FSTL4: variants seen among roughly 807,000 people sequenced by gnomAD.
The protein encoded by FSTL4 is follistatin-related protein 4.
In FSTL4, 28 loss-of-function variants were observed where a neutral mutation model predicts 78.2. The ratio of observed to expected loss-of-function variants is 0.36; its 90% CI spans 0.27 to 0.49. The LOEUF is 0.49. Among genes scored for constraint, FSTL4 ranks in the 20% least tolerant of loss-of-function variants. The pLI is 0.98. For missense variants in FSTL4, 922 were observed against 1,084.9 expected, an observed-to-expected ratio of 0.85 and a Z score of 2.11; for synonymous variants, 422 against 440.5, an observed-to-expected ratio of 0.96 and a Z score of 0.53.
At chr5:133,523,407 G>A (rs909874305) in intron 3 of FSTL4, among the ~76,000 whole-genome samples, 9 of 152,194 alleles carry the variant, frequency 5.9e-5, no homozygotes, top group East Asian at 3.9e-4. Context: ...CTGGAGCTGC[G>A]TGGGTGCAGA....
chr5:133,483,759 G>A (rs1202030512), intron 3 of FSTL4, among the ~76,000 whole-genome samples: 3 of 152,182 alleles, frequency 2.0e-5, no homozygotes, highest in Non-Finnish European at 2.9e-5. Context: ...CTGGGTAGGG[G>A]CAGAACATGC....
intron 4 of FSTL4, among the ~76,000 whole-genome samples, chr5:133,371,546 T>C (rs1308784470): frequency 2.6e-5 from 4 of 152,206 alleles, no homozygotes; most frequent in Non-Finnish European, 5.9e-5. Flanking sequence ...CCTCCACTTG[T>C]CTGGCACAAC....
intron 3 of FSTL4, among the ~76,000 whole-genome samples, chr5:133,550,573 T>C (rs1480124208): frequency 6.6e-6 from 1 of 152,218 alleles, no homozygotes; most frequent in East Asian, 1.9e-4. Context: ...GCTAAGCTTT[T>C]TAATATGCAT....
At chr5:133,600,061 G>C (rs1004271845) in intron 2 of FSTL4, among the ~76,000 whole-genome samples, 6 of 152,236 alleles carry the variant, frequency 3.9e-5, no homozygotes, top group South Asian at 4.1e-4. Flanking sequence ...CCTGACTTAG[G>C]TTTGGTTTGA....
At chr5:133,672,351 C>T in the FSTL4 span, among the ~76,000 whole-genome samples, 1 of 152,218 alleles carries the variant, frequency 6.6e-6, no homozygotes, top group Non-Finnish European at 1.5e-5. Flanking sequence ...CCAGCCACCT[C>T]ATGATGGGCA....
At chr5:133,373,798 ATGGTC>A (rs1755371863) in intron 4 of FSTL4, among the ~76,000 whole-genome samples, 2 of 152,324 alleles carry the variant, frequency 1.3e-5, no homozygotes, top group South Asian at 4.1e-4. Context: ...CTGAGCAGCA[ATGGTC>A]CCCAAAATCT....
At chr5:133,260,846 T>G (rs1273743104) in intron 6 of FSTL4, among the ~76,000 whole-genome samples, 1 of 152,132 alleles carries the variant, frequency 6.6e-6, no homozygotes, top group Non-Finnish European at 1.5e-5. Flanking sequence ...GGAGTGGGGT[T>G]TGGAAGAGCC....
At chr5:133,241,351 A>G (rs1212347908) in intron 7 of FSTL4, among the ~76,000 whole-genome samples, 2 of 152,250 alleles carry the variant, frequency 1.3e-5, no homozygotes, top group Non-Finnish European at 2.9e-5. Context: ...TCGAAGAGCC[A>G]ACTTCAGTTG....
chr5:133,382,839 C>T (rs1375354604), intron 4 of FSTL4, among the ~76,000 whole-genome samples: 1 of 151,926 alleles, frequency 6.6e-6, no homozygotes. Flanking sequence ...CAAGTCAGAC[C>T]TCACAGGGAG....
chr5:133,389,063 A>G (rs1364943679), intron 4 of FSTL4, among the ~76,000 whole-genome samples: 1 of 151,788 alleles, frequency 6.6e-6, no homozygotes, highest in Non-Finnish European at 1.5e-5. Context: ...CCAATTTACA[A>G]TCCCATTTTT....
intron 4 of FSTL4, among the ~76,000 whole-genome samples, chr5:133,332,251 G>T (rs980910011): frequency 6.6e-6 from 1 of 152,228 alleles, no homozygotes; most frequent in Admixed American, 6.5e-5. Flanking sequence ...GCAGCCTGAT[G>T]GGATTTGGCA....
chr5:133,801,201 GCTCA>G, the FSTL4 span, among the ~76,000 whole-genome samples: 10 of 152,136 alleles, frequency 6.6e-5, no homozygotes, highest in Admixed American at 2.6e-4. Flanking sequence ...CTGCGACTTT[GCTCA>G]CTGTCTCTGA....
chr5:133,653,922 G>T, the FSTL4 span, among the ~76,000 whole-genome samples: 1 of 152,176 alleles, frequency 6.6e-6, no homozygotes, highest in African/African-American at 2.4e-5. Context: ...AGAACAGAAG[G>T]TTCATTATTC....
At chr5:133,302,804 G>A (rs1202351749) in intron 6 of FSTL4, among the ~76,000 whole-genome samples, 1 of 152,192 alleles carries the variant, frequency 6.6e-6, no homozygotes, top group Non-Finnish European at 1.5e-5. Context: ...GAACCCTCAG[G>A]TCTGTTCTTC....
At chr5:133,805,195 G>A in the FSTL4 span, among the ~76,000 whole-genome samples, 12 of 151,896 alleles carry the variant, frequency 7.9e-5, no homozygotes, top group Admixed American at 1.3e-4. Context: ...TGAGAGCCAG[G>A]CCCCTAGGGA....
At chr5:133,488,786 C>T (rs549268503) in intron 3 of FSTL4, among the ~76,000 whole-genome samples, 1 of 152,222 alleles carries the variant, frequency 6.6e-6, no homozygotes, top group South Asian at 2.1e-4. Flanking sequence ...TGCAAATGAG[C>T]CATGAGTGCT....
chr5:133,801,034 G>A, the FSTL4 span, among the ~76,000 whole-genome samples: 9 of 152,016 alleles, frequency 5.9e-5, no homozygotes, highest in Admixed American at 1.3e-4. Context: ...TCTGCAGCCC[G>A]GCAGCACTGG....
chr5:133,393,754 T>C (rs947461290), intron 4 of FSTL4, among the ~76,000 whole-genome samples: 1 of 152,216 alleles, frequency 6.6e-6, no homozygotes, highest in Non-Finnish European at 1.5e-5. Flanking sequence ...TCCTACTCTT[T>C]CCTTAGAAAG....
intron 4 of FSTL4, chr5:133,388,395 A>G (rs770932867): frequency 2.6e-5 from 4 of 152,228 alleles, no homozygotes; most frequent in Admixed American, 1.3e-4. Flanking sequence ...AAATTCTACC[A>G]ATGTTCTTCA....
Sources: gnomAD v4.1 joint callset for allele counts (sites outside exome capture counted in the v4.1 genomes callset) on GRCh38, gnomAD v4.1.1 for gene constraint, MANE v1.5 for transcripts, NCBI Gene and HGNC (gene_info 2026-07-23, HGNC 2026-07-21) for gene names.